Variants in NREP observed in about 807,000 individuals in gnomAD.
The protein encoded by NREP is neuronal regeneration related protein.
In NREP, 5 loss-of-function variants were observed where a neutral mutation model predicts 8.6. The observed-to-expected ratio is 0.58, with a 90% confidence interval of 0.30 to 1.22. NREP has a LOEUF of 1.22. Among genes scored for constraint, NREP ranks in the 50% most tolerant of loss-of-function variants. The pLI is 0.07. For synonymous variants in NREP, 27 were observed against 28.0 expected (o/e 0.96, Z 0.11); for missense variants, 86 against 82.5 (o/e 1.04, Z -0.17).
At chr5:111,737,128 C>G (rs1749196960) in intron 2 of NREP, among the ~76,000 whole-genome samples, 1 of 152,194 alleles carries the variant, frequency 6.6e-6, no homozygotes, top group South Asian at 2.1e-4. Flanking sequence ...TATTCCTCTC[C>G]TGTGCCCAGC....
intron 2 of NREP, among the ~76,000 whole-genome samples, chr5:111,744,225 A>T (rs1749859535): frequency 6.6e-6 from 1 of 152,144 alleles, no homozygotes; most frequent in African/African-American, 2.4e-5. Flanking sequence ...ACCCTTCAGC[A>T]TTTAGCTAAA....
chr5:111,728,840 A>G (rs373160841), downstream of NREP: 178 of 152,302 alleles, frequency 1.2e-3, no homozygotes, highest in African/African-American at 4.0e-3. Context: ...TCCTCTTACA[A>G]AAGTTTAAGC....
At chr5:111,932,514 C>G (rs1043120818) in intron 2 of NREP, among the ~76,000 whole-genome samples, 1 of 152,034 alleles carries the variant, frequency 6.6e-6, no homozygotes, top group African/African-American at 2.4e-5. Flanking sequence ...GCAAGTAGGA[C>G]TCATATACAT....
chr5:111,764,125 G>T (rs1304009741), intron 2 of NREP, among the ~76,000 whole-genome samples: 1 of 152,198 alleles, frequency 6.6e-6, no homozygotes, highest in Non-Finnish European at 1.5e-5. Flanking sequence ...ATACTATCCT[G>T]TTCCATTGAC....
chr5:111,934,095 G>A (rs1298491155), intron 2 of NREP, among the ~76,000 whole-genome samples: 2 of 152,090 alleles, frequency 1.3e-5, no homozygotes, highest in African/African-American at 4.8e-5. Context: ...GAGGGAATGA[G>A]CAGGTGCAGG....
chr5:111,879,757 G>C (rs1472334762), intron 2 of NREP, among the ~76,000 whole-genome samples: 4 of 152,194 alleles, frequency 2.6e-5, no homozygotes, highest in Non-Finnish European at 5.9e-5. Flanking sequence ...TTGAGCTTTG[G>C]TGAGAGTTCC....
intron 2 of NREP, among the ~76,000 whole-genome samples, chr5:111,961,778 C>G (rs1483938311): frequency 6.6e-6 from 1 of 152,096 alleles, no homozygotes; most frequent in South Asian, 2.1e-4. Context: ...AATATAAATG[C>G]CTTTAGAGAC....
At position 111,833,055 on chromosome 5, in the gene NREP, T is replaced by G. The variant is rs115246124; in HGVS notation, c.136-97548A>C. The stretch of plus-strand genomic sequence containing the variant: ...ATTACTTCCCCAGGACTGTACTACT[T>G]GTGCAGAAGTCAGAAATGGACTTGC... On this transcript the variant is annotated intron_variant, in intron 2 of 3. Transcript: ENST00000395634. Among the ~76,000 whole-genome samples, 1,340 of 152,330 alleles carry G rather than the reference T, an allele frequency of 8.8e-3. 8 individuals carry two copies. The highest frequency in any genetic ancestry group is 0.015 in the Non-Finnish European group (1,001 of 68,026).
At chr5:111,786,325 A>G (rs1751607703) in intron 2 of NREP, among the ~76,000 whole-genome samples, 1 of 152,148 alleles carries the variant, frequency 6.6e-6, no homozygotes. Flanking sequence ...GCTGTGAGTC[A>G]ATTAAACTTC....
At chr5:111,966,870 A>C (rs1756657342) in intron 2 of NREP, among the ~76,000 whole-genome samples, 1 of 152,222 alleles carries the variant, frequency 6.6e-6, no homozygotes, top group South Asian at 2.1e-4. Context: ...CAGTTGTGGT[A>C]GTTCAATGAA....
chr5:111,907,534 C>T (rs886677782), intron 2 of NREP, among the ~76,000 whole-genome samples: 1 of 152,042 alleles, frequency 6.6e-6, no homozygotes, highest in Non-Finnish European at 1.5e-5. Flanking sequence ...GCTCCATTAG[C>T]CTACTCGTCT....
rs185018207 is a variant in NREP, at chr5:111,899,380, G to T, written c.135+75894C>A. Among the ~76,000 whole-genome samples the T allele has an allele frequency of 5.9e-5, 9 of 152,160 alleles. No homozygotes were observed. The East Asian group carries it at 1.7e-3, about 29-fold the overall frequency. On this transcript the variant is annotated intron_variant, in intron 2 of 3. Transcript: ENST00000395634. ...CATTTAAAAATTAGTCAGGTGTAAT[G>T]GTGTTTTCCTGTAGTACTAGCTACT...
At chr5:111,970,729 G>A (rs2112670500) in intron 2 of NREP, among the ~76,000 whole-genome samples, 1 of 149,298 alleles carries the variant, frequency 6.7e-6, no homozygotes, top group Admixed American at 6.8e-5. Context: ...CAGTGGCTGA[G>A]GCAGGAGAAT....
At chr5:111,910,686 G>T (rs1050710495) in intron 2 of NREP, among the ~76,000 whole-genome samples, 1 of 152,004 alleles carries the variant, frequency 6.6e-6, no homozygotes, top group African/African-American at 2.4e-5. Flanking sequence ...TGGCTTCTGA[G>T]ACTGGAACAA....
chr5:111,766,077 C>T (rs1338788239), intron 2 of NREP, among the ~76,000 whole-genome samples: 1 of 152,210 alleles, frequency 6.6e-6, no homozygotes, highest in Non-Finnish European at 1.5e-5. Context: ...CATATTATTA[C>T]AGTTCCTTTT....
At chr5:111,732,199 A>G (rs1041178406) in intron 3 of NREP, 1 of 152,310 alleles carries the variant, frequency 6.6e-6, no homozygotes, top group Admixed American at 6.5e-5. Context: ...TGTGGCCTAT[A>G]AATTAACACA....
In NREP at chr5:111,951,226, T is replaced by C. The variant is rs577213659; in HGVS notation, c.135+24048A>G. On this transcript the variant is annotated intron_variant, in intron 2 of 3. Coordinates refer to the NREP transcript ENST00000395634. The stretch of plus-strand genomic sequence containing the variant: ...TTCTGTTTACTCATTTATTATGCTA[T>C]AGCACTGCACTGCACATATACATAA... Among the ~76,000 whole-genome samples the C allele has an allele frequency of 3.9e-5, 6 of 152,260 alleles. No individual in the cohort carries two copies. The East Asian group carries it at 9.7e-4, about 25-fold the overall frequency.
intron 2 of NREP, among the ~76,000 whole-genome samples, chr5:111,895,117 T>TA (rs1754477635): frequency 6.6e-6 from 1 of 152,194 alleles, no homozygotes; most frequent in Non-Finnish European, 1.5e-5. Flanking sequence ...TGATAGAGGC[T>TA]AAAAAACAAA....
intron 2 of NREP, among the ~76,000 whole-genome samples, chr5:111,917,623 A>T (rs1396770286): frequency 6.6e-6 from 1 of 152,210 alleles, no homozygotes; most frequent in African/African-American, 2.4e-5. Flanking sequence ...GATTATCTCC[A>T]TAGATGCAGA....
Sources: gnomAD v4.1 joint callset for allele counts (sites outside exome capture counted in the v4.1 genomes callset) on GRCh38, gnomAD v4.1.1 for gene constraint, MANE v1.5 for transcripts, NCBI Gene and HGNC (gene_info 2026-07-23, HGNC 2026-07-21) for gene names.